Variants in PDE4D observed in about 807,000 individuals in gnomAD.
PDE4D encodes the protein 3',5'-cyclic-AMP phosphodiesterase 4D.
A neutral mutation model predicts 87.4 loss-of-function variants in PDE4D; 24 were observed. The observed-to-expected ratio is 0.27, with a 90% CI of 0.20 to 0.39. The LOEUF (loss-of-function observed/expected upper bound fraction) is 0.39, where lower values mean the gene tolerates loss of function less well. Ranked by LOEUF, PDE4D falls within the 10% of genes least tolerant of loss-of-function variation. PDE4D has a pLI of 1.00. For missense variants in PDE4D, 714 were observed against 1,041.0 expected (o/e 0.69, Z 4.32); for synonymous variants, 384 against 383.2 (o/e 1.00, Z -0.02).
chr5:60,101,190 G>A (rs368376197), intron 2 of PDE4D, among the ~76,000 whole-genome samples: 7 of 152,094 alleles, frequency 4.6e-5, no homozygotes, highest in African/African-American at 1.7e-4. Context: ...ATAAAATCTG[G>A]TATAAGCACT....
chr5:60,055,505 T>A (rs993086850), intron 2 of PDE4D, among the ~76,000 whole-genome samples: 1 of 152,144 alleles, frequency 6.6e-6, no homozygotes, highest in African/African-American at 2.4e-5. Context: ...AATAGCTTAT[T>A]GTAATTGAAA....
chr5:59,100,030 G>T (rs1302784120), intron 5 of PDE4D, among the ~76,000 whole-genome samples: 1 of 152,156 alleles, frequency 6.6e-6, no homozygotes, highest in Non-Finnish European at 1.5e-5. Flanking sequence ...ATATGAAAAA[G>T]ATTCTAGCAT....
chr5:60,064,727 T>C (rs190938822), intron 2 of PDE4D, among the ~76,000 whole-genome samples: 40 of 152,228 alleles, frequency 2.6e-4, no homozygotes, highest in African/African-American at 7.7e-4. Flanking sequence ...CCATCTCCTC[T>C]TAGATTAAAT....
At chr5:59,638,110 G>A (rs1279085986) in intron 1 of PDE4D, among the ~76,000 whole-genome samples, 3 of 152,152 alleles carry the variant, frequency 2.0e-5, no homozygotes, top group African/African-American at 7.2e-5. Flanking sequence ...TGTAGAGAGA[G>A]GATGGATAGG....
At chr5:59,484,523 G>A (rs1329619799) in intron 1 of PDE4D, among the ~76,000 whole-genome samples, 1 of 152,118 alleles carries the variant, frequency 6.6e-6, no homozygotes, top group African/African-American at 2.4e-5. Flanking sequence ...ACTGTGTGGA[G>A]CCAGACCTCA....
At chr5:59,066,733 A>G (rs1296669362) in intron 5 of PDE4D, among the ~76,000 whole-genome samples, 1 of 152,074 alleles carries the variant, frequency 6.6e-6, no homozygotes, top group Non-Finnish European at 1.5e-5. Context: ...TGATGGTATT[A>G]GGAGGTGGGG....
At chr5:60,198,319 C>T (rs1741519675) in intron 1 of PDE4D, among the ~76,000 whole-genome samples, 1 of 151,148 alleles carries the variant, frequency 6.6e-6, no homozygotes, top group African/African-American at 2.4e-5. Flanking sequence ...TAAGATATCC[C>T]CTAAACAAAA....
chr5:59,522,844 A>G (rs1166280052), intron 1 of PDE4D, among the ~76,000 whole-genome samples: 28 of 152,216 alleles, frequency 1.8e-4, no homozygotes, highest in Admixed American at 1.8e-3. Flanking sequence ...AAAGGGATAG[A>G]AAAATTCAGG....
intron 2 of PDE4D, among the ~76,000 whole-genome samples, chr5:60,061,946 C>T (rs1189344949): frequency 6.6e-6 from 1 of 152,064 alleles, no homozygotes; most frequent in Non-Finnish European, 1.5e-5. Context: ...AATGTAAAAC[C>T]CAAAACCATA....
At chr5:60,414,825 T>TA (rs1742346538) in intron 1 of PDE4D, among the ~76,000 whole-genome samples, 1 of 152,242 alleles carries the variant, frequency 6.6e-6, no homozygotes, top group Non-Finnish European at 1.5e-5. Flanking sequence ...AGCCTTCACT[T>TA]ACCTATCTAA....
intron 1 of PDE4D, among the ~76,000 whole-genome samples, chr5:60,342,945 G>A (rs567648121): frequency 1.6e-4 from 25 of 152,210 alleles, no homozygotes; most frequent in African/African-American, 4.6e-4. Context: ...GGCCTATTAA[G>A]GCATCTTGTC....
chr5:59,695,367 A>G (rs1334718849), intron 1 of PDE4D, among the ~76,000 whole-genome samples: 2 of 151,756 alleles, frequency 1.3e-5, no homozygotes, highest in African/African-American at 4.8e-5. Context: ...TTTTATTGCC[A>G]TAATATTATA....
chr5:59,336,475 GGTT>G (rs1269469636), intron 1 of PDE4D, among the ~76,000 whole-genome samples: 1 of 152,178 alleles, frequency 6.6e-6, no homozygotes, highest in Non-Finnish European at 1.5e-5. Context: ...CTTTAGCCAT[GGTT>G]GTTGTTGTTA....
chr5:59,161,772 T>A (rs1048602573), intron 5 of PDE4D, among the ~76,000 whole-genome samples: 27 of 152,230 alleles, frequency 1.8e-4, no homozygotes, highest in Non-Finnish European at 4.4e-5. Context: ...TTTCCCCCTG[T>A]ATTTACTTAA....
intron 1 of PDE4D, among the ~76,000 whole-genome samples, chr5:59,680,223 T>C (rs550181878): frequency 1.3e-5 from 2 of 152,248 alleles, no homozygotes; most frequent in African/African-American, 4.8e-5. Context: ...CACATATGCA[T>C]TTGGAATTTA....
intron 1 of PDE4D, among the ~76,000 whole-genome samples, chr5:59,745,053 A>G (rs1381839768): frequency 6.6e-6 from 1 of 152,230 alleles, no homozygotes; most frequent in East Asian, 1.9e-4. Context: ...TGAATTTTGC[A>G]CAGGTAAAAA....
chr5:60,468,637 G>A (rs754774553), intron 1 of PDE4D, among the ~76,000 whole-genome samples: 14 of 151,508 alleles, frequency 9.2e-5, no homozygotes, highest in Non-Finnish European at 1.6e-4. Flanking sequence ...TAAGAGTCAG[G>A]GTTACTTTTT....
chr5:59,145,041 T>C lies in PDE4D; in HGVS notation c.808+35554A>G, dbSNP rs373935845. ...TTGAAAATGCAGAACATAGATTTTT[T>C]TTCTCAAAGAAAATAAAGGGTGAAT... is the stretch of plus-strand genomic sequence containing the variant. On this transcript the variant is annotated intron_variant, in intron 5 of 14. Coordinates refer to ENST00000340635, the MANE Select transcript of PDE4D (RefSeq NM_001104631.2). 4.6e-5 allele frequency among the ~76,000 whole-genome samples: 7 copies of C among 152,322 alleles called. No individual in the cohort carries two copies. The East Asian group carries it at 7.7e-4, about 17-fold the overall frequency.
chr5:59,515,519 A>G (rs1194230254), intron 1 of PDE4D, among the ~76,000 whole-genome samples: 1 of 152,250 alleles, frequency 6.6e-6, no homozygotes, highest in Admixed American at 6.5e-5. Flanking sequence ...TGTTATTCAC[A>G]GATGATACGA....
Sources: gnomAD v4.1 joint callset for allele counts (sites outside exome capture counted in the v4.1 genomes callset) on GRCh38, gnomAD v4.1.1 for gene constraint, MANE v1.5 for transcripts, NCBI Gene and HGNC (gene_info 2026-07-23, HGNC 2026-07-21) for gene names.